CHN1: variants seen among roughly 807,000 people sequenced by gnomAD.
The protein encoded by CHN1 is N-chimaerin.
Under a neutral mutation model 59.5 loss-of-function variants are expected in CHN1, and 37 were observed. The ratio of observed to expected loss-of-function variants is 0.62; its 90% CI spans 0.48 to 0.82. The LOEUF (loss-of-function observed/expected upper bound fraction) is 0.82, where lower values mean the gene tolerates loss of function less well. Among genes scored for constraint, CHN1 ranks in the 40% least tolerant of loss-of-function variants. CHN1 has a pLI of 0.00. For synonymous variants in CHN1, 206 were observed against 200.4 expected, an observed-to-expected ratio of 1.03 and a Z score of -0.24; for missense variants, 469 against 571.0, an observed-to-expected ratio of 0.82 and a Z score of 1.82.
intron 1 of CHN1, among the ~76,000 whole-genome samples, chr2:175,004,407 C>T (rs777625152): frequency 1.5e-4 from 23 of 152,160 alleles, no homozygotes; most frequent in Non-Finnish European, 2.4e-4. Context: ...ACAAATCATA[C>T]TTATTTCCAA....
chr2:174,873,596 T>C (rs963309532), intron 6 of CHN1, among the ~76,000 whole-genome samples: 8 of 152,196 alleles, frequency 5.3e-5, no homozygotes, highest in African/African-American at 1.4e-4. Context: ...CATGCCCCTT[T>C]TGCTATTCCA....
At chr2:174,957,457 G>A (rs1180089367) in intron 1 of CHN1, among the ~76,000 whole-genome samples, 1 of 121,220 alleles carries the variant, frequency 8.2e-6, no homozygotes, top group African/African-American at 3.1e-5. Context: ...GGGGGGGGGG[G>A]CAGTTAATTA....
At chr2:174,952,327 T>A in intron 1 of CHN1, 125 bp from the exon 2 acceptor site, 1 of 535,020 alleles carries the variant, frequency 1.9e-6, no homozygotes, top group Non-Finnish European at 3.1e-6. Flanking sequence ...TGCTAGGCAC[T>A]AAGGGGCATT....
chr2:174,996,914 C>A (rs190099725), intron 1 of CHN1, among the ~76,000 whole-genome samples: 1 of 152,300 alleles, frequency 6.6e-6, no homozygotes, highest in East Asian at 1.9e-4. Context: ...TCCTTCAAGT[C>A]TGCTCAAAAT....
chr2:175,000,124 C>A (rs971544377), intron 1 of CHN1, among the ~76,000 whole-genome samples: 2 of 149,770 alleles, frequency 1.3e-5, no homozygotes, highest in Non-Finnish European at 2.9e-5. Context: ...GCATGCATCA[C>A]CACACCTGGC....
intron 8 of CHN1, chr2:174,821,854 C>A: frequency 2.8e-6 from 1 of 354,974 alleles, no homozygotes; most frequent in Non-Finnish European, 5.7e-6. Context: ...CAAAACTCCC[C>A]ATCTCAATAT....
At chr2:175,001,252 C>T (rs922849315) in intron 1 of CHN1, among the ~76,000 whole-genome samples, 1 of 152,202 alleles carries the variant, frequency 6.6e-6, no homozygotes, top group African/African-American at 2.4e-5. Flanking sequence ...ATAAAAATGT[C>T]AGCAGAGAGT....
At chr2:174,849,191 C>A (rs1686644693) in intron 6 of CHN1, among the ~76,000 whole-genome samples, 1 of 152,116 alleles carries the variant, frequency 6.6e-6, no homozygotes, top group African/African-American at 2.4e-5. Context: ...ATTCCTGGTT[C>A]TACAGCTATA....
At chr2:174,990,211 G>C (rs574998827) in intron 1 of CHN1, among the ~76,000 whole-genome samples, 1 of 150,374 alleles carries the variant, frequency 6.7e-6, no homozygotes, top group Non-Finnish European at 1.5e-5. Flanking sequence ...TGGTGTGTGC[G>C]GGGTGTGTGT....
intron 6 of CHN1, among the ~76,000 whole-genome samples, chr2:174,854,104 C>T (rs952131302): frequency 2.0e-5 from 3 of 152,034 alleles, no homozygotes; most frequent in Admixed American, 1.3e-4. Context: ...GTTAATACTT[C>T]AAAAAATATG....
At chr2:174,847,036 T>C in intron 6 of CHN1, 79 bp from the exon 7 acceptor site, 1 of 1,551,668 alleles carries the variant, frequency 6.4e-7, no homozygotes, top group African/African-American at 1.4e-5. Flanking sequence ...TTCCCAAGGC[T>C]GCTATCAATA....
intron 11 of CHN1, among the ~76,000 whole-genome samples, chr2:174,807,977 A>G (rs996549776): frequency 1.4e-4 from 22 of 152,258 alleles, no homozygotes; most frequent in African/African-American, 4.3e-4. Flanking sequence ...CTTAAAACCA[A>G]TAAGAATTCC....
intron 1 of CHN1, among the ~76,000 whole-genome samples, chr2:174,954,354 T>C (rs1163025261): frequency 3.3e-5 from 5 of 152,072 alleles, no homozygotes; most frequent in African/African-American, 2.4e-5. Flanking sequence ...GAAGATAACA[T>C]TGGAAAACCC....
chr2:174,817,618 C>T (rs775803891), intron 8 of CHN1, among the ~76,000 whole-genome samples: 26 of 150,980 alleles, frequency 1.7e-4, no homozygotes, highest in Non-Finnish European at 2.8e-4. Context: ...CGCGTCGCTA[C>T]GCCCAGCTGA....
chr2:174,847,588 C>A, intron 6 of CHN1: 1 of 1,299,620 alleles, frequency 7.7e-7, no homozygotes, highest in Non-Finnish European at 1.0e-6. Context: ...CCCTATGAAG[C>A]CCCTAGCAGG....
At chr2:174,957,450 G>GGGC (rs1690245768) in intron 1 of CHN1, among the ~76,000 whole-genome samples, 1 of 143,096 alleles carries the variant, frequency 7.0e-6, no homozygotes, top group African/African-American at 2.6e-5. Context: ...GTGTGTTGGG[G>GGGC]GGGGGGGCAG....
At chr2:174,859,018 C>T (rs1425522722) in intron 6 of CHN1, among the ~76,000 whole-genome samples, 1 of 82,066 alleles carries the variant, frequency 1.2e-5, no homozygotes, top group Non-Finnish European at 2.6e-5. Context: ...ACACACAAAA[C>T]CAAACAAACA....
chr2:174,822,632 GA>G (rs1574056267), intron 8 of CHN1, among the ~76,000 whole-genome samples: 3 of 152,192 alleles, frequency 2.0e-5, no homozygotes, highest in Non-Finnish European at 4.4e-5. Context: ...TGGGCTCATT[GA>G]GACCATTGTT....
At chr2:174,926,840 C>T (rs1296787825) in intron 3 of CHN1, among the ~76,000 whole-genome samples, 1 of 151,816 alleles carries the variant, frequency 6.6e-6, no homozygotes, top group Non-Finnish European at 1.5e-5. Context: ...TCACTGCAAG[C>T]TCCGCCTCCC....
Sources: gnomAD v4.1 joint callset for allele counts (sites outside exome capture counted in the v4.1 genomes callset) on GRCh38, gnomAD v4.1.1 for gene constraint, MANE v1.5 for transcripts, NCBI Gene and HGNC (gene_info 2026-07-23, HGNC 2026-07-21) for gene names.